Variants in CNTNAP2 observed in about 807,000 individuals in gnomAD.
The protein encoded by CNTNAP2 is contactin associated protein 2.
A neutral mutation model predicts 155.2 loss-of-function variants in CNTNAP2; 98 were observed. The ratio of observed to expected loss-of-function variants is 0.63; its 90% CI spans 0.54 to 0.75. The LOEUF (loss-of-function observed/expected upper bound fraction) is 0.75, where lower values mean the gene tolerates loss of function less well. Among genes scored for constraint, CNTNAP2 ranks in the 30% least tolerant of loss-of-function variants. The probability of loss-of-function intolerance (pLI) is 0.00; values close to 1 mark genes in which losing one functional copy is unlikely to be tolerated. For missense variants in CNTNAP2, 1,727 were observed against 1,688.1 expected, an observed-to-expected ratio of 1.02 and a Z score of -0.40; for synonymous variants, 651 against 631.2, an observed-to-expected ratio of 1.03 and a Z score of -0.47.
chr7:146,230,245 G>T (rs1285441253), intron 1 of CNTNAP2, among the ~76,000 whole-genome samples: 1 of 152,172 alleles, frequency 6.6e-6, no homozygotes, highest in Non-Finnish European at 1.5e-5. Flanking sequence ...TGGCACCAGA[G>T]ATTTTTTTCT....
chr7:146,193,417 C>T (rs1798734603), intron 1 of CNTNAP2, among the ~76,000 whole-genome samples: 1 of 152,232 alleles, frequency 6.6e-6, no homozygotes, highest in East Asian at 1.9e-4. Flanking sequence ...AGGTGGAGGT[C>T]CCCAAACCTC....
chr7:146,638,922 A>G (rs1220811864), intron 1 of CNTNAP2, among the ~76,000 whole-genome samples: 2 of 152,148 alleles, frequency 1.3e-5, no homozygotes, highest in Non-Finnish European at 2.9e-5. Flanking sequence ...GGTATAACCT[A>G]TGGTTCCAAG....
Position 146,368,266 on chromosome 7 carries a change from A to G in CNTNAP2, c.97+251293A>G, listed in dbSNP as rs144429906. Among the ~76,000 whole-genome samples the G allele has an allele frequency of 3.5e-4, 54 of 152,328 alleles. 1 individual carries two copies. The highest frequency in any genetic ancestry group is 1.2e-3 in the African/African-American group (49 of 41,576). ...TCTCCAAGGAGTAAGTGATTTAATTAGCTTGAAGTATTATATATATTTTCA... is the reference window on the plus strand; with the variant it reads ...TCTCCAAGGAGTAAGTGATTTAATTGGCTTGAAGTATTATATATATTTTCA... On this transcript the variant is annotated intron_variant, in intron 1 of 23. Transcript: ENST00000361727.
intron 8 of CNTNAP2, among the ~76,000 whole-genome samples, chr7:147,275,643 G>A (rs545499349): frequency 3.8e-4 from 58 of 151,974 alleles, no homozygotes; most frequent in Non-Finnish European, 7.7e-4. Context: ...TTCCTGTTTG[G>A]ATGCCTTTTA....
chr7:147,684,540 G>C (rs1474715719), intron 13 of CNTNAP2, among the ~76,000 whole-genome samples: 2 of 151,810 alleles, frequency 1.3e-5, no homozygotes, highest in Admixed American at 1.3e-4. Context: ...TAATATAGGA[G>C]ACCCTCTGTT....
intron 3 of CNTNAP2, among the ~76,000 whole-genome samples, chr7:146,931,218 G>T (rs1474849271): frequency 2.9e-4 from 44 of 152,178 alleles, no homozygotes; most frequent in African/African-American, 9.4e-4. Flanking sequence ...TAAAAGAACA[G>T]AAATTATAAC....
chr7:146,152,391 T>C (rs1023768620), intron 1 of CNTNAP2, among the ~76,000 whole-genome samples: 27 of 152,168 alleles, frequency 1.8e-4, no homozygotes, highest in African/African-American at 6.3e-4. Flanking sequence ...ACTGGGGAGA[T>C]ACTGATCAAA....
chr7:147,000,197 C>G (rs1798395028), intron 3 of CNTNAP2, among the ~76,000 whole-genome samples: 1 of 151,816 alleles, frequency 6.6e-6, no homozygotes, highest in Admixed American at 6.6e-5. Context: ...TAATTTTTAG[C>G]TCTAGGATTT....
chr7:146,854,764 G>T (rs547906385), intron 3 of CNTNAP2, among the ~76,000 whole-genome samples: 1 of 152,242 alleles, frequency 6.6e-6, no homozygotes, highest in African/African-American at 2.4e-5. Context: ...GAAAAGAAAT[G>T]AATGTATATG....
intron 10 of CNTNAP2, among the ~76,000 whole-genome samples, chr7:147,455,544 A>G (rs1797904928): frequency 6.6e-6 from 1 of 152,150 alleles, no homozygotes; most frequent in Admixed American, 6.6e-5. Context: ...AAATTAACAA[A>G]TAACTCTTTG....
chr7:146,725,545 A>G (rs563671484), intron 1 of CNTNAP2, among the ~76,000 whole-genome samples: 2 of 152,342 alleles, frequency 1.3e-5, no homozygotes, highest in African/African-American at 4.8e-5. Flanking sequence ...AAATTCTGCT[A>G]CGGTGTAGAC....
chr7:147,496,072 G>A (rs1249434393), intron 11 of CNTNAP2, among the ~76,000 whole-genome samples: 2 of 152,148 alleles, frequency 1.3e-5, no homozygotes, highest in African/African-American at 4.8e-5. Flanking sequence ...CCCCATATGG[G>A]ACCACCTAGT....
chr7:146,406,689 G>T (rs1192001532), intron 1 of CNTNAP2, among the ~76,000 whole-genome samples: 1 of 152,130 alleles, frequency 6.6e-6, no homozygotes, highest in Non-Finnish European at 1.5e-5. Context: ...GCATCACACA[G>T]AGGGGACTAC....
At position 147,237,211 on chromosome 7, in the gene CNTNAP2, A is replaced by ACATGCCAC. The variant is rs201210061; in HGVS notation, c.1349-62927_1349-62920dup. Among the ~76,000 whole-genome samples, 53 of 151,652 alleles carry ACATGCCAC rather than the reference A, an allele frequency of 3.5e-4. 1 individual carries two copies. The East Asian group carries it at 8.3e-3, about 24-fold the overall frequency. ...CTCCCAAGTAGCTGGGACTACAGGC[A>ACATGCCAC]CATGCCACCACACCAGGCTATTTAT... On this transcript the variant is annotated intron_variant, in intron 8 of 23. Coordinates refer to ENST00000361727, the MANE Select transcript of CNTNAP2 (RefSeq NM_014141.6).
chr7:146,763,626 AG>A (rs1802143309), intron 1 of CNTNAP2, among the ~76,000 whole-genome samples: 1 of 152,194 alleles, frequency 6.6e-6, no homozygotes, highest in Non-Finnish European at 1.5e-5. Flanking sequence ...TGTTAATTGA[AG>A]AACATTTCCA....
chr7:146,970,815 T>C (rs377341048), intron 3 of CNTNAP2, among the ~76,000 whole-genome samples: 1 of 152,176 alleles, frequency 6.6e-6, no homozygotes, highest in East Asian at 1.9e-4. Context: ...CCAACCCAAA[T>C]GTCCAACAAT....
At chr7:147,437,631 T>G (rs1253748358) in intron 10 of CNTNAP2, among the ~76,000 whole-genome samples, 1 of 152,158 alleles carries the variant, frequency 6.6e-6, no homozygotes, top group Non-Finnish European at 1.5e-5. Flanking sequence ...AGTCAGGTGA[T>G]TCCTCCAATT....
At chr7:148,191,163 G>A (rs1264117963) in intron 18 of CNTNAP2, among the ~76,000 whole-genome samples, 6 of 152,218 alleles carry the variant, frequency 3.9e-5, no homozygotes, top group Non-Finnish European at 8.8e-5. Flanking sequence ...TTTAGGTCGT[G>A]AGGACTCCAC....
chr7:148,411,149 C>T (rs1240580062), intron 23 of CNTNAP2, among the ~76,000 whole-genome samples: 3 of 152,284 alleles, frequency 2.0e-5, no homozygotes, highest in Admixed American at 2.0e-4. Context: ...ATGCGTAGAT[C>T]GATATTGACA....
Sources: allele counts gnomAD v4.1 joint callset (sites outside exome capture counted in the v4.1 genomes callset), GRCh38; gene constraint gnomAD v4.1.1; transcripts MANE v1.5; gene names NCBI Gene and HGNC (gene_info 2026-07-23, HGNC 2026-07-21).